Variants in FRMD5 observed in about 807,000 individuals in gnomAD.
FRMD5 encodes FERM domain-containing protein 5.
Under a neutral mutation model 69.0 loss-of-function variants are expected in FRMD5, and 20 were observed. The ratio of observed to expected loss-of-function variants is 0.29; its 90% confidence interval spans 0.20 to 0.42. The LOEUF (loss-of-function observed/expected upper bound fraction) is 0.42, where lower values mean the gene tolerates loss of function less well. FRMD5 is among the 10% of genes least tolerant of loss of function. The pLI is 1.00. For missense variants in FRMD5, 595 were observed against 708.6 expected (o/e 0.84, Z 1.82); for synonymous variants, 271 against 260.1 (o/e 1.04, Z -0.40).
At chr15:44,040,028 T>C (rs1169646277) in intron 1 of FRMD5, among the ~76,000 whole-genome samples, 1 of 151,804 alleles carries the variant, frequency 6.6e-6, no homozygotes, top group Non-Finnish European at 1.5e-5. Context: ...GCATGAAGCA[T>C]ATACAAGCAT....
At chr15:44,043,705 G>A (rs1428289817) in intron 1 of FRMD5, among the ~76,000 whole-genome samples, 1 of 152,054 alleles carries the variant, frequency 6.6e-6, no homozygotes, top group Non-Finnish European at 1.5e-5. Context: ...ATGGTGTTGG[G>A]AAAACTGGCT....
Position 44,005,396 on chromosome 15 carries a change from G to A in FRMD5, c.103-81087C>T, listed in dbSNP as rs915175807. ...TGAGGCAGGAGAATCACTTGAACCC[G>A]GTAGGTGGAGGCTGCAGTGAGCCGA... On this transcript the variant is annotated intron_variant, in intron 1 of 13. Transcript: ENST00000417257. Among the ~76,000 whole-genome samples, 7 of 146,018 alleles carry A rather than the reference G, an allele frequency of 4.8e-5. 1 individual carries two copies. The South Asian group carries it at 8.7e-4, about 18-fold the overall frequency.
intron 1 of FRMD5, among the ~76,000 whole-genome samples, chr15:43,987,612 T>C (rs1219325424): frequency 6.6e-6 from 1 of 152,208 alleles, no homozygotes; most frequent in Non-Finnish European, 1.5e-5. Flanking sequence ...TAGAGTGGTG[T>C]GATCTTGGCT....
intron 1 of FRMD5, among the ~76,000 whole-genome samples, chr15:43,942,363 T>A (rs1017409652): frequency 3.3e-5 from 5 of 152,260 alleles, no homozygotes; most frequent in African/African-American, 9.6e-5. Context: ...GGACTGCTGC[T>A]GAGCTGCAAG....
intron 1 of FRMD5, among the ~76,000 whole-genome samples, chr15:44,038,800 C>T (rs768144745): frequency 3.9e-5 from 6 of 151,992 alleles, no homozygotes; most frequent in Non-Finnish European, 8.8e-5. Context: ...GAGACTGTAC[C>T]GGGAGGAACA....
At chr15:44,128,762 T>C (rs2140414002) in intron 1 of FRMD5, among the ~76,000 whole-genome samples, 1 of 151,888 alleles carries the variant, frequency 6.6e-6, no homozygotes, top group South Asian at 2.1e-4. Context: ...CTGAAGATGA[T>C]AGGAATCAGA....
At chr15:43,989,452 C>T (rs1463222100) in intron 1 of FRMD5, 11 of 799,174 alleles carry the variant, frequency 1.4e-5, no homozygotes, top group African/African-American at 3.4e-5. Flanking sequence ...ATGACCTGGC[C>T]GTCGGGCAGC....
chr15:44,122,644 G>A (rs911421404), intron 1 of FRMD5, among the ~76,000 whole-genome samples: 1 of 152,140 alleles, frequency 6.6e-6, no homozygotes, highest in African/African-American at 2.4e-5. Context: ...CAGCATTTTG[G>A]GATGCCGAGG....
At chr15:44,002,110 A>G (rs1674518413) in intron 1 of FRMD5, among the ~76,000 whole-genome samples, 1 of 152,106 alleles carries the variant, frequency 6.6e-6, no homozygotes, top group African/African-American at 2.4e-5. Context: ...AGCACTTTTC[A>G]ACTTTCTAGC....
intron 1 of FRMD5, among the ~76,000 whole-genome samples, chr15:44,022,899 A>G (rs1490976702): frequency 6.6e-6 from 1 of 152,174 alleles, no homozygotes; most frequent in Non-Finnish European, 1.5e-5. Context: ...AATGTTACAA[A>G]GTTTTGGGTT....
chr15:43,989,907 G>A (rs1208335815), intron 1 of FRMD5: 5 of 1,151,072 alleles, frequency 4.3e-6, no homozygotes, highest in South Asian at 3.7e-5. Flanking sequence ...CACACAGCTC[G>A]TTGTAGAAGG....
chr15:44,039,919 G>C (rs569702180), intron 1 of FRMD5, among the ~76,000 whole-genome samples: 1 of 152,048 alleles, frequency 6.6e-6, no homozygotes, highest in Non-Finnish European at 1.5e-5. Context: ...AGGAAGCTAA[G>C]AACCTTGAAA....
At chr15:43,911,596 C>G (rs756037680) in intron 4 of FRMD5, among the ~76,000 whole-genome samples, 2 of 152,210 alleles carry the variant, frequency 1.3e-5, no homozygotes, top group African/African-American at 4.8e-5. Context: ...CAGAACCACC[C>G]AGCTAAGCTG....
chr15:44,071,029 T>C (rs1893518404), intron 1 of FRMD5, among the ~76,000 whole-genome samples: 1 of 152,170 alleles, frequency 6.6e-6, no homozygotes, highest in South Asian at 2.1e-4. Flanking sequence ...TCTGCTCCTC[T>C]CTCTTCATGT....
intron 1 of FRMD5, among the ~76,000 whole-genome samples, chr15:44,032,327 G>C (rs1891718679): frequency 6.6e-6 from 1 of 152,164 alleles, no homozygotes; most frequent in Admixed American, 6.5e-5. Flanking sequence ...AAAAGCAATT[G>C]CTATGAAAGC....
At chr15:44,095,574 CT>C (rs1245100512) in intron 1 of FRMD5, among the ~76,000 whole-genome samples, 1 of 152,148 alleles carries the variant, frequency 6.6e-6, no homozygotes, top group East Asian at 1.9e-4. Context: ...AAGAGAGCCC[CT>C]GTCAGATGTT....
chr15:44,003,704 G>C (rs550648990), intron 1 of FRMD5, among the ~76,000 whole-genome samples: 5 of 152,226 alleles, frequency 3.3e-5, no homozygotes, highest in African/African-American at 7.2e-5. Flanking sequence ...TACCGTATTT[G>C]ATACGTATAC....
At chr15:43,959,475 C>T (rs1481128991) in intron 1 of FRMD5, among the ~76,000 whole-genome samples, 1 of 152,086 alleles carries the variant, frequency 6.6e-6, no homozygotes, top group Non-Finnish European at 1.5e-5. Context: ...TTTTAATAGT[C>T]GATATGAATA....
At chr15:44,136,598 T>A (rs1187457867) in intron 1 of FRMD5, among the ~76,000 whole-genome samples, 1 of 152,186 alleles carries the variant, frequency 6.6e-6, no homozygotes, top group Non-Finnish European at 1.5e-5. Flanking sequence ...AACACAACCC[T>A]TTATTACCTT....
Sources: gnomAD v4.1 joint callset for allele counts (sites outside exome capture counted in the v4.1 genomes callset) on GRCh38, gnomAD v4.1.1 for gene constraint, MANE v1.5 for transcripts, NCBI Gene and HGNC (gene_info 2026-07-23, HGNC 2026-07-21) for gene names.